The following LGSN variants were observed in gnomAD, a reference collection of about 807,000 sequenced individuals.
LGSN encodes lengsin.
Under a neutral mutation model 19.5 loss-of-function variants are expected in LGSN, and 21 were observed. The observed-to-expected ratio is 1.07, with a 90% CI of 0.76 to 1.55. LGSN has a LOEUF of 1.55. Among genes scored for constraint, LGSN ranks in the 40% most tolerant of loss-of-function variants. LGSN has a pLI of 0.00. For missense variants in LGSN, 673 were observed against 608.5 expected, an observed-to-expected ratio of 1.11 and a Z score of -1.12; for synonymous variants, 257 against 215.6, an observed-to-expected ratio of 1.19 and a Z score of -1.68.
chr6:63,518,103 GAT>G, the LGSN span, among the ~76,000 whole-genome samples: 17 of 142,300 alleles, frequency 1.2e-4, no homozygotes, highest in African/African-American at 4.3e-4. Context: ...TGTGAGCCCA[GAT>G]AGTACCATAT....
chr6:63,292,298 A>G (rs747946949), intron 2 of LGSN, among the ~76,000 whole-genome samples: 35 of 152,208 alleles, frequency 2.3e-4, no homozygotes, highest in Admixed American at 9.2e-4. Flanking sequence ...TTGTATTTTT[A>G]AAAAGATAAT....
At chr6:63,401,988 A>C in the LGSN span, among the ~76,000 whole-genome samples, 11 of 152,384 alleles carry the variant, frequency 7.2e-5, no homozygotes, top group South Asian at 2.1e-3. Flanking sequence ...ACTGCTAAGC[A>C]TGAAGACATG....
the LGSN span, among the ~76,000 whole-genome samples, chr6:63,496,170 C>T: frequency 6.6e-6 from 1 of 152,206 alleles, no homozygotes; most frequent in Non-Finnish European, 1.5e-5. Context: ...GGTGATCTGC[C>T]CGCCTTGGCC....
chr6:63,294,334 CA>C (rs1767893048), intron 2 of LGSN, among the ~76,000 whole-genome samples: 2 of 151,386 alleles, frequency 1.3e-5, no homozygotes, highest in African/African-American at 4.8e-5. Context: ...GACTCTGTCT[CA>C]AAAAAATAAA....
chr6:63,496,195 G>C, the LGSN span, among the ~76,000 whole-genome samples: 126 of 152,328 alleles, frequency 8.3e-4, no homozygotes, highest in African/African-American at 2.9e-3. Flanking sequence ...AAAGTGCTGG[G>C]ATTACAGGCG....
chr6:63,468,547 C>T, the LGSN span, among the ~76,000 whole-genome samples: 4 of 152,014 alleles, frequency 2.6e-5, no homozygotes, highest in African/African-American at 9.7e-5. Context: ...GTTGCCTCAG[C>T]CTCCCAAGTA....
chr6:63,328,783 T>C, the LGSN span, among the ~76,000 whole-genome samples: 1 of 152,226 alleles, frequency 6.6e-6, no homozygotes, highest in African/African-American at 2.4e-5. Flanking sequence ...TTTCTGCCTC[T>C]GGTTCCCATT....
the LGSN span, chr6:63,572,516 C>G: frequency 2.6e-6 from 1 of 391,662 alleles, no homozygotes; most frequent in South Asian, 1.3e-4. Context: ...GGCTGCGGGC[C>G]GGCTCGGCTA....
the LGSN span, chr6:63,443,351 C>G: frequency 3.2e-5 from 5 of 153,848 alleles, no homozygotes; most frequent in Admixed American, 3.3e-4. Flanking sequence ...CAAAGGGAGC[C>G]AGCTCCAGCT....
the LGSN span, among the ~76,000 whole-genome samples, chr6:63,435,791 T>C: frequency 6.6e-6 from 1 of 150,722 alleles, no homozygotes; most frequent in African/African-American, 2.4e-5. Flanking sequence ...TTGAATTGAA[T>C]AAAAAATATT....
chr6:63,488,165 T>A, the LGSN span, among the ~76,000 whole-genome samples: 918 of 152,232 alleles, frequency 6.0e-3, 6 homozygotes, highest in South Asian at 0.025. Context: ...AAGCAGAGAC[T>A]AATTTCTCCT....
At chr6:63,394,224 A>T in the LGSN span, among the ~76,000 whole-genome samples, 1 of 152,200 alleles carries the variant, frequency 6.6e-6, no homozygotes, top group Non-Finnish European at 1.5e-5. Context: ...AGATCACGCC[A>T]CTGCACTCCA....
chr6:63,471,464 G>A, the LGSN span, among the ~76,000 whole-genome samples: 78 of 151,770 alleles, frequency 5.1e-4, no homozygotes, highest in Admixed American at 1.4e-3. Context: ...TCAGCAGTTC[G>A]AGAGCAGCCT....
At chr6:63,334,007 G>T in the LGSN span, among the ~76,000 whole-genome samples, 1 of 152,272 alleles carries the variant, frequency 6.6e-6, no homozygotes, top group East Asian at 1.9e-4. Context: ...CAAATGCCCA[G>T]CTGACATTTT....
chr6:63,498,858 C>T, the LGSN span, among the ~76,000 whole-genome samples: 8 of 151,906 alleles, frequency 5.3e-5, no homozygotes, highest in Admixed American at 1.3e-4. Flanking sequence ...TATAGGGTAA[C>T]CAAAGAGATG....
chr6:63,330,283 C>T, the LGSN span, among the ~76,000 whole-genome samples: 3 of 152,210 alleles, frequency 2.0e-5, no homozygotes, highest in South Asian at 2.1e-4. Context: ...CCTCTCTGAA[C>T]CACCAAGATT....
the LGSN span, among the ~76,000 whole-genome samples, chr6:63,437,271 T>C: frequency 2.0e-5 from 3 of 151,828 alleles, no homozygotes; most frequent in African/African-American, 7.3e-5. Context: ...ATTTTTTTTT[T>C]CGCCAAATTG....
the LGSN span, among the ~76,000 whole-genome samples, chr6:63,384,489 T>TTGTGTGTGTGTGTGTGTG: frequency 2.3e-5 from 3 of 131,504 alleles, no homozygotes; most frequent in East Asian, 2.3e-4. Context: ...AAATAACACC[T>TTGTGTGTGTGTGTGTGTG]TGTGTGTGTG....
At chr6:63,549,408 T>G in the LGSN span, 2 of 752,284 alleles carry the variant, frequency 2.7e-6, no homozygotes, top group African/African-American at 1.7e-5. Flanking sequence ...TCTTAGGCCG[T>G]TTCTCAAACA....
Sources: allele counts gnomAD v4.1 joint callset (sites outside exome capture counted in the v4.1 genomes callset), GRCh38; gene constraint gnomAD v4.1.1; transcripts MANE v1.5; gene names NCBI Gene and HGNC (gene_info 2026-07-23, HGNC 2026-07-21).